The following CBFA2T3 variants were observed in gnomAD, a reference collection of about 807,000 sequenced individuals.
CBFA2T3 encodes CBFA2/RUNX1 partner transcriptional co-repressor 3, also known as transcriptional corepressor CBFA2T3.
CBFA2T3 carries 31 observed loss-of-function variants against 58.6 expected under a neutral mutation model. The ratio of observed to expected loss-of-function variants is 0.53; its 90% CI spans 0.40 to 0.71. The LOEUF (loss-of-function observed/expected upper bound fraction) is 0.71, where lower values mean the gene tolerates loss of function less well. Among genes scored for constraint, CBFA2T3 ranks in the 30% least tolerant of loss-of-function variants. The pLI is 0.00. For synonymous variants in CBFA2T3, 531 were observed against 421.9 expected (o/e 1.26, Z -3.17); for missense variants, 1,076 against 963.1 (o/e 1.12, Z -1.55).
chr16:88,901,940 G>A (rs1970115058), intron 1 of CBFA2T3, among the ~76,000 whole-genome samples: 1 of 152,218 alleles, frequency 6.6e-6, no homozygotes, highest in African/African-American at 2.4e-5. Context: ...CCCACTCCAG[G>A]CTTGAGGCTT....
At chr16:88,925,233 G>A (rs1449953347) in intron 1 of CBFA2T3, among the ~76,000 whole-genome samples, 2 of 152,244 alleles carry the variant, frequency 1.3e-5, no homozygotes, top group African/African-American at 4.8e-5. Flanking sequence ...AAGGTGCCAG[G>A]CAGGCAGATG....
chr16:88,902,874 G>A (rs1213593968), intron 1 of CBFA2T3, among the ~76,000 whole-genome samples: 1 of 152,108 alleles, frequency 6.6e-6, no homozygotes, highest in Non-Finnish European at 1.5e-5. Flanking sequence ...CGACTGCCCC[G>A]CACCCTGCTC....
intron 1 of CBFA2T3, among the ~76,000 whole-genome samples, chr16:88,959,018 G>C (rs1036935382): frequency 3.3e-5 from 5 of 152,136 alleles, no homozygotes; most frequent in Admixed American, 2.0e-4. Flanking sequence ...CTGTGTGCCC[G>C]GGCTGTGCCG....
intron 1 of CBFA2T3, among the ~76,000 whole-genome samples, chr16:88,908,672 G>C (rs561289277): frequency 6.6e-6 from 1 of 152,360 alleles, no homozygotes; most frequent in Non-Finnish European, 1.5e-5. Context: ...ACCAGTGCAA[G>C]AGCTCATCTT....
intron 5 of CBFA2T3, among the ~76,000 whole-genome samples, chr16:88,888,176 G>A (rs953525157): frequency 6.6e-6 from 1 of 151,880 alleles, no homozygotes; most frequent in Non-Finnish European, 1.5e-5. Flanking sequence ...GCCAGGGCTG[G>A]GGTTCCAGCC....
chr16:88,881,665 G>T, intron 8 of CBFA2T3, 176 bp from the exon 9 acceptor site: 1 of 609,936 alleles, frequency 1.6e-6, no homozygotes, highest in Non-Finnish European at 2.8e-6. Context: ...TGGGTCCCTA[G>T]CCTGGGACTG....
intron 1 of CBFA2T3, among the ~76,000 whole-genome samples, chr16:88,974,732 C>T (rs1042498963): frequency 4.6e-5 from 7 of 152,120 alleles, no homozygotes; most frequent in African/African-American, 1.7e-4. Flanking sequence ...GGCTGAGGTG[C>T]CCTCAGGTCT....
chr16:88,910,280 G>A (rs948766977), intron 1 of CBFA2T3, among the ~76,000 whole-genome samples: 11 of 152,170 alleles, frequency 7.2e-5, no homozygotes, highest in African/African-American at 2.2e-4. Flanking sequence ...TGCAGCCCGC[G>A]CGGCCCTTCA....
At chr16:88,936,696 A>G (rs906486848) in intron 1 of CBFA2T3, 3 of 152,312 alleles carry the variant, frequency 2.0e-5, no homozygotes, top group African/African-American at 7.2e-5. Context: ...CATCTTCCTT[A>G]TTACGGCCAA....
intron 1 of CBFA2T3, among the ~76,000 whole-genome samples, chr16:88,910,611 C>T (rs527972559): frequency 5.3e-5 from 8 of 152,310 alleles, no homozygotes; most frequent in Non-Finnish European, 1.0e-4. Context: ...GGGTGAGCTG[C>T]GGATGGCGTG....
intron 1 of CBFA2T3, among the ~76,000 whole-genome samples, chr16:88,914,413 T>G (rs756207266): frequency 1.2e-4 from 19 of 152,194 alleles, no homozygotes; most frequent in Non-Finnish European, 2.2e-4. Context: ...ATTGCAAAAA[T>G]GATGTCACGG....
At chr16:88,971,945 A>T (rs2142887058) in intron 1 of CBFA2T3, among the ~76,000 whole-genome samples, 1 of 152,312 alleles carries the variant, frequency 6.6e-6, no homozygotes, top group Non-Finnish European at 1.5e-5. Flanking sequence ...CTCGGTCCAC[A>T]TGTGGTGAGA....
intron 1 of CBFA2T3, among the ~76,000 whole-genome samples, chr16:88,935,095 C>A (rs1047400892): frequency 5.9e-5 from 9 of 152,244 alleles, no homozygotes; most frequent in Admixed American, 5.9e-4. Flanking sequence ...TGCAAGCCTC[C>A]ATCAGGCACA....
chr16:88,967,017 G>T (rs1567639271), intron 1 of CBFA2T3, among the ~76,000 whole-genome samples: 1 of 152,186 alleles, frequency 6.6e-6, no homozygotes, highest in Non-Finnish European at 1.5e-5. Context: ...AAGCATCCTT[G>T]ATTGAAGCAT....
At chr16:88,948,514 G>A (rs941612570) in intron 1 of CBFA2T3, among the ~76,000 whole-genome samples, 1 of 152,248 alleles carries the variant, frequency 6.6e-6, no homozygotes, top group African/African-American at 2.4e-5. Flanking sequence ...CAAGGTCAAG[G>A]AGACCCTCCC....
rs933564033 is a variant in CBFA2T3 at position 88,953,001 on chromosome 16, G to A, written c.151+23656C>T. Reference sequence around the variant, plus strand: ...CCCCACGCAGGGCCTGTGTCGAGACGGCATGTCCCGCCATCGGGTTTGCTG... The same window carrying A: ...CCCCACGCAGGGCCTGTGTCGAGACAGCATGTCCCGCCATCGGGTTTGCTG... On this transcript the variant is annotated intron_variant, in intron 1 of 11. Coordinates refer to ENST00000268679, the MANE Select transcript of CBFA2T3 (RefSeq NM_005187.6). The surrounding 1 kb of genome is among the most constrained non-coding windows in gnomAD (Gnocchi z 4.9). Among the ~76,000 whole-genome samples the A allele has an allele frequency of 6.6e-6, 1 of 150,550 alleles. No homozygotes were observed. Among genetic ancestry groups the A allele is most frequent in the Non-Finnish European group, 1.5e-5 (1 of 67,828 alleles).
rs954236418 is a variant in CBFA2T3 at position 88,876,670 on chromosome 16, G to A, written c.*306C>T. On this transcript the variant is annotated 3_prime_UTR_variant, in exon 12 of 12. Transcript: ENST00000268679. ...GGTGGGCAGAGCCGCCGCGCCTGCGGCATCTGCTCTGCTGTCTAAAGCTCA... is the reference window on the plus strand; with the variant it reads ...GGTGGGCAGAGCCGCCGCGCCTGCGACATCTGCTCTGCTGTCTAAAGCTCA... 1 of 361,020 alleles carries A rather than the reference G, an allele frequency of 2.8e-6. No homozygotes were observed. The highest frequency in any genetic ancestry group is 5.0e-6 in the Non-Finnish European group (1 of 201,902). 22.4% of individuals were successfully genotyped at this position (361,020 alleles called of 1,614,324 possible).
chr16:88,901,441 C>T (rs770566007), intron 2 of CBFA2T3, 63 bp downstream of exon 2: 127 of 849,792 alleles, frequency 1.5e-4, no homozygotes, highest in Non-Finnish European at 1.8e-4. Flanking sequence ...CTCAGAATTT[C>T]AAACAACACA....
Position 88,885,629 on chromosome 16 carries a change from C to T in CBFA2T3, c.893+332G>A, listed in dbSNP as rs1015061273. The T allele has an allele frequency of 1.9e-5, 8 of 423,812 alleles. No homozygotes were observed. Among genetic ancestry groups the T allele is most frequent in the African/African-American group, 1.4e-4 (7 of 48,682 alleles). 26.3% of individuals were successfully genotyped at this position (423,812 alleles called of 1,614,324 possible). A position where few individuals can be genotyped will look rare whatever the true frequency, so the allele number is the denominator to read the frequency against. On this transcript the variant is annotated intron_variant, in intron 6 of 11. Coordinates refer to ENST00000268679, the MANE Select transcript of CBFA2T3 (RefSeq NM_005187.6). This position sits in a 1 kb window ranked among gnomAD's most constrained non-coding sequence, Gnocchi z 5.3. ...AGCAGCACAAGAGCGTCTGGGGCAGCAGAGGGGGCCCAGCCCAGGCACCTG... is the reference window on the plus strand; with the variant it reads ...AGCAGCACAAGAGCGTCTGGGGCAGTAGAGGGGGCCCAGCCCAGGCACCTG...
Sources: allele counts gnomAD v4.1 joint callset (sites outside exome capture counted in the v4.1 genomes callset), GRCh38; gene constraint gnomAD v4.1.1; non-coding constraint Gnocchi (gnomAD v3.1); transcripts MANE v1.5; gene names NCBI Gene and HGNC (gene_info 2026-07-23, HGNC 2026-07-21).